Variants in CCDC30 observed in about 807,000 individuals in gnomAD.
CCDC30 encodes coiled-coil domain containing 30.
In CCDC30, 70 loss-of-function variants were observed where a neutral mutation model predicts 100.2. That is an observed-to-expected ratio of 0.70 (90% confidence interval 0.58 to 0.85). The LOEUF (loss-of-function observed/expected upper bound fraction) is 0.85, where lower values mean the gene tolerates loss of function less well. Among genes scored for constraint, CCDC30 ranks in the 40% least tolerant of loss-of-function variants. The pLI is 0.00. For missense variants in CCDC30, 652 were observed against 771.2 expected (o/e 0.85, Z 1.83); for synonymous variants, 233 against 269.5 (o/e 0.86, Z 1.33).
At chr1:42,457,521 G>A in the CCDC30 span, 1 of 626,802 alleles carries the variant, frequency 1.6e-6, no homozygotes, top group South Asian at 1.9e-5. Context: ...TGAGGGAGCT[G>A]GACACAGACA....
intron 1 of CCDC30, chr1:42,473,079 G>C (rs1306816752): frequency 3.3e-6 from 4 of 1,221,810 alleles, no homozygotes; most frequent in Non-Finnish European, 4.1e-6. Flanking sequence ...TCAGTTGTGT[G>C]TGTGTGTGTG....
At chr1:42,522,487 T>G (rs1006394243) in intron 6 of CCDC30, among the ~76,000 whole-genome samples, 1 of 152,244 alleles carries the variant, frequency 6.6e-6, no homozygotes, top group African/African-American at 2.4e-5. Context: ...TCTTTTCTTC[T>G]CATTTCCATT....
At chr1:42,542,212 A>T (rs533567842) in intron 6 of CCDC30, among the ~76,000 whole-genome samples, 1 of 152,322 alleles carries the variant, frequency 6.6e-6, no homozygotes, top group East Asian at 1.9e-4. Flanking sequence ...TTTCTTTGTT[A>T]TAAAGAATAA....
At chr1:42,593,947 A>T (rs926831437) in intron 10 of CCDC30, 1 of 152,126 alleles carries the variant, frequency 6.6e-6, no homozygotes, top group East Asian at 1.9e-4. Flanking sequence ...AGCTTAGAAG[A>T]GTGGGGTCAT....
chr1:42,656,213 C>A (rs554231625), downstream of CCDC30, among the ~76,000 whole-genome samples: 69 of 152,210 alleles, frequency 4.5e-4, no homozygotes, highest in African/African-American at 1.5e-3. Flanking sequence ...TGTTGAAGGT[C>A]TTTGTGCATG....
At chr1:42,577,270 C>A in intron 8 of CCDC30, 41 bp downstream of exon 12, 1 of 1,235,210 alleles carries the variant, frequency 8.1e-7, no homozygotes, top group Non-Finnish European at 1.2e-6. Flanking sequence ...ACACTGAATA[C>A]CACTACTGAA....
chr1:42,617,872 G>A (rs946018699), intron 11 of CCDC30, among the ~76,000 whole-genome samples: 3 of 152,172 alleles, frequency 2.0e-5, no homozygotes, highest in African/African-American at 7.2e-5. Flanking sequence ...AGGCAGTCTA[G>A]TCCCCAGGCA....
chr1:42,460,126 G>C (rs1326696266), upstream of CCDC30: 1 of 1,337,620 alleles, frequency 7.5e-7, no homozygotes. Context: ...TTGAACACTA[G>C]AACTGTTAAT....
At chr1:42,474,822 G>A (rs1173619280) in intron 1 of CCDC30, among the ~76,000 whole-genome samples, 31 of 152,278 alleles carry the variant, frequency 2.0e-4, no homozygotes, top group Non-Finnish European at 5.9e-5. Context: ...ACTTAATATA[G>A]TGCCTGGAGC....
rs760064040 is a variant in CCDC30 at position 42,482,670 on chromosome 1, A to T, written c.23A>T (p.Asn8Ile). The T allele has an allele frequency of 8.1e-6, 10 of 1,233,582 alleles. No homozygotes were observed. In the East Asian group the frequency reaches 2.8e-4, roughly 35 times the overall value. 76.4% of individuals were successfully genotyped at this position (1,233,582 alleles called of 1,614,324 possible). ...ATAGAAGTTTTATTTCAGTATCATA[A>T]TGAAGACCTGGAAAAAGACAAAACA... The change falls in exon 3 of 17, where the codon AAT (asparagine) becomes ATT (isoleucine). Residue 8 changes from asparagine to isoleucine, a missense_variant. Coordinates refer to ENST00000668663, the Ensembl canonical transcript of CCDC30.
exon 8 of CCDC30, chr1:42,577,146 C>T (rs901099155): frequency 6.2e-7 from 1 of 1,614,022 alleles, no homozygotes; most frequent in Non-Finnish European, 8.5e-7. Context: ...AGTACTTAAA[C>T]ACACTCAGAG....
intron 6 of CCDC30, 126 bp downstream of exon 10, chr1:42,556,531 T>A: frequency 9.6e-7 from 1 of 1,038,940 alleles, no homozygotes; most frequent in Non-Finnish European, 1.3e-6. Flanking sequence ...ACATAGTAGA[T>A]GTGTGTATTT....
At chr1:42,625,381 C>G (rs1197536870) in intron 11 of CCDC30, among the ~76,000 whole-genome samples, 2 of 151,980 alleles carry the variant, frequency 1.3e-5, no homozygotes, top group East Asian at 3.8e-4. Context: ...TATCTCTGCT[C>G]TGATCTTTAT....
intron 10 of CCDC30, among the ~76,000 whole-genome samples, chr1:42,602,466 C>T (rs1337536794): frequency 6.6e-6 from 1 of 151,974 alleles, no homozygotes; most frequent in Non-Finnish European, 1.5e-5. Flanking sequence ...AAAGAGGGAA[C>T]ATTACTACAG....
chr1:42,475,335 A>G (rs1180220728), intron 1 of CCDC30, among the ~76,000 whole-genome samples: 2 of 152,186 alleles, frequency 1.3e-5, no homozygotes, highest in Non-Finnish European at 2.9e-5. Flanking sequence ...GCCATGGACT[A>G]AAAGTAAGAA....
At chr1:42,511,372 C>T (rs565790739) in intron 6 of CCDC30, among the ~76,000 whole-genome samples, 2 of 152,254 alleles carry the variant, frequency 1.3e-5, no homozygotes, top group East Asian at 1.9e-4. Context: ...GGACAAGGCC[C>T]CTTTAATGGA....
At chr1:42,500,644 A>G (rs940478951) in intron 6 of CCDC30, among the ~76,000 whole-genome samples, 1 of 152,014 alleles carries the variant, frequency 6.6e-6, no homozygotes, top group African/African-American at 2.4e-5. Context: ...CAATCTCCTG[A>G]CCTCGTGATC....
At chr1:42,645,517 G>A (rs1647810442) in intron 14 of CCDC30, among the ~76,000 whole-genome samples, 1 of 152,214 alleles carries the variant, frequency 6.6e-6, no homozygotes, top group Non-Finnish European at 1.5e-5. Flanking sequence ...AGCCAAGATG[G>A]AGGCTGATTA....
intron 1 of CCDC30, among the ~76,000 whole-genome samples, chr1:42,466,433 G>A (rs969477444): frequency 4.6e-5 from 7 of 152,156 alleles, no homozygotes; most frequent in Non-Finnish European, 1.5e-5. Flanking sequence ...AGAAGTTTTT[G>A]GAGGCCTAAA....
Sources: allele counts gnomAD v4.1 joint callset (sites outside exome capture counted in the v4.1 genomes callset), GRCh38; gene constraint gnomAD v4.1.1; transcripts MANE v1.5; gene names NCBI Gene and HGNC (gene_info 2026-07-23, HGNC 2026-07-21).